SLC9C1: variants seen among roughly 807,000 people sequenced by gnomAD.
SLC9C1 encodes solute carrier family 9 member C1, also known as sodium/hydrogen exchanger 10.
SLC9C1 carries 97 observed loss-of-function variants against 140.9 expected under a neutral mutation model. The ratio of observed to expected loss-of-function variants is 0.69; its 90% confidence interval spans 0.58 to 0.82. The LOEUF (loss-of-function observed/expected upper bound fraction) is 0.82. Among genes scored for constraint, SLC9C1 ranks in the 40% least tolerant of loss-of-function variants. SLC9C1 has a pLI of 0.00. For synonymous variants in SLC9C1, 440 were observed against 442.6 expected (o/e 0.99, Z 0.07); for missense variants, 1,340 against 1,389.3 (o/e 0.96, Z 0.56).
chr3:112,272,348 T>C (rs1012337147), intron 6 of SLC9C1, among the ~76,000 whole-genome samples: 1 of 152,236 alleles, frequency 6.6e-6, no homozygotes, highest in African/African-American at 2.4e-5. Flanking sequence ...TTACTGCTTA[T>C]ACTGTTTTAA....
chr3:112,264,635 G>T (rs1054814467), intron 8 of SLC9C1, among the ~76,000 whole-genome samples: 4 of 151,830 alleles, frequency 2.6e-5, no homozygotes, highest in Non-Finnish European at 4.4e-5. Context: ...TGAGAATTTA[G>T]GTACTAGAGG....
chr3:112,252,385 G>A (rs1372399447), intron 10 of SLC9C1, among the ~76,000 whole-genome samples: 2 of 152,140 alleles, frequency 1.3e-5, no homozygotes, highest in East Asian at 3.8e-4. Flanking sequence ...ACCTCCCTGG[G>A]ATGGGGCTAC....
intron 15 of SLC9C1, among the ~76,000 whole-genome samples, chr3:112,210,113 T>C (rs13069887): frequency 0.45 from 69,077 of 151,968 alleles, 16,191 homozygotes; most frequent in East Asian, 0.63. Context: ...TGGTGGTTAC[T>C]CAAGAAACTA....
intron 23 of SLC9C1, among the ~76,000 whole-genome samples, chr3:112,171,399 T>C (rs2077245307): frequency 6.6e-6 from 1 of 152,188 alleles, no homozygotes; most frequent in African/African-American, 2.4e-5. Flanking sequence ...TATTGGCCAT[T>C]TGTATATTCT....
At chr3:112,245,813 A>G (rs1482606952) in intron 10 of SLC9C1, among the ~76,000 whole-genome samples, 1 of 152,146 alleles carries the variant, frequency 6.6e-6, no homozygotes, top group Non-Finnish European at 1.5e-5. Flanking sequence ...CTTCAAATCC[A>G]TATTGGAATA....
chr3:112,143,249 A>G (rs1453384571), intron 28 of SLC9C1, among the ~76,000 whole-genome samples: 2 of 151,830 alleles, frequency 1.3e-5, no homozygotes, highest in South Asian at 2.1e-4. Flanking sequence ...ATATATATAT[A>G]TATCTCCAGT....
intron 20 of SLC9C1, among the ~76,000 whole-genome samples, chr3:112,191,595 G>T (rs1261119407): frequency 6.6e-6 from 1 of 152,038 alleles, no homozygotes; most frequent in East Asian, 1.9e-4. Flanking sequence ...AATTCAGTTT[G>T]TTAATATTTT....
In SLC9C1 at chr3:112,169,263, T is replaced by C; in HGVS notation, c.2985A>G (p.Gln995=). The change falls in exon 24 of 29, where the codon CAA becomes CAG. Residue 995 remains glutamine (Q), a synonymous_variant. Transcript: ENST00000305815. ...CGAGTCCAAGTTTTAGCCACATTTT[T>C]TGTTTAATGAGAGGAGAGCATTGCT... ...AFEQCSPLIK[Q]KMWLKLGLAI... 1 of 1,613,658 alleles carries C rather than the reference T, an allele frequency of 6.2e-7. No individual in the cohort carries two copies. The highest frequency in any genetic ancestry group is 8.5e-7 in the Non-Finnish European group (1 of 1,179,798).
intron 13 of SLC9C1, among the ~76,000 whole-genome samples, chr3:112,226,237 G>C (rs1325024686): frequency 6.6e-6 from 1 of 151,992 alleles, no homozygotes; most frequent in African/African-American, 2.4e-5. Context: ...GTAACAAGAA[G>C]AACATTGGAA....
intron 11 of SLC9C1, among the ~76,000 whole-genome samples, chr3:112,240,993 TG>T: frequency 7.6e-6 from 1 of 132,004 alleles, no homozygotes; most frequent in Non-Finnish European, 1.6e-5. Flanking sequence ...GGTGGGGGGA[TG>T]GGGGCAGGTG....
At chr3:112,184,778 C>T (rs1414560214) in intron 20 of SLC9C1, among the ~76,000 whole-genome samples, 2 of 152,202 alleles carry the variant, frequency 1.3e-5, no homozygotes, top group Admixed American at 6.5e-5. Flanking sequence ...GGCTACAAAC[C>T]GTGATGCCAC....
Position 112,141,029 on chromosome 3 carries a change from G to T in SLC9C1, c.*243C>A. 2.6e-6 allele frequency: 1 copy of T among 378,150 alleles called. No individual in the cohort carries two copies. Among genetic ancestry groups the T allele is most frequent in the Admixed American group, 4.6e-5 (1 of 21,832 alleles). 23.4% of individuals were successfully genotyped at this position (378,150 alleles called of 1,614,324 possible). ...GCTTTAAGACTAAAATTTACTCTAA[G>T]ATTTTCTAAAATGTTTTGTATATTT... is the stretch of plus-strand genomic sequence containing the variant. On this transcript the variant is annotated 3_prime_UTR_variant, in exon 29 of 29. Coordinates refer to ENST00000305815, the MANE Select transcript of SLC9C1 (RefSeq NM_183061.3).
At chr3:112,285,039 T>C (rs1232281937) in intron 2 of SLC9C1, among the ~76,000 whole-genome samples, 2 of 143,512 alleles carry the variant, frequency 1.4e-5, no homozygotes, top group Admixed American at 7.2e-5. Flanking sequence ...CAGGCTGGAA[T>C]GCAGTGGCAT....
At chr3:112,271,391 T>TTTTATATATATATATATATATATA (rs1482562562) in intron 6 of SLC9C1, among the ~76,000 whole-genome samples, 1 of 48,254 alleles carries the variant, frequency 2.1e-5, no homozygotes, top group Non-Finnish European at 5.1e-5. Flanking sequence ...TCATTCTACA[T>TTTTATATATATATATATATATATA]TGTATATATA....
In SLC9C1 at chr3:112,204,388, T is replaced by A. The variant is rs1484750007; in HGVS notation, c.2002A>T (p.Lys668Ter). The change falls in exon 17 of 29, where the codon AAG (lysine) becomes TAG (stop). Residue 668 changes from lysine (K) to a stop codon, truncating the protein, a stop_gained. Transcript: ENST00000305815. LOFTEE classifies it high-confidence loss of function. Reference protein sequence around the residue: ...EALLKIAAMRKDFFSHAWNIF... With the variant: ...EALLKIAAMR ...TTCCAGGCATGTGAAAAAAAGTCCT[T>A]CCTCATTGCTGCTATCTGTTGATTT... 6.4e-7 allele frequency: 1 copy of A among 1,570,050 alleles called. No homozygotes were observed. Among genetic ancestry groups the A allele is most frequent in the African/African-American group, 1.4e-5 (1 of 72,218 alleles).
intron 20 of SLC9C1, among the ~76,000 whole-genome samples, chr3:112,190,008 G>A (rs1016544286): frequency 1.2e-4 from 19 of 152,148 alleles, no homozygotes; most frequent in Admixed American, 2.0e-4. Context: ...GTGAATGGGA[G>A]TTCTCCCACG....
intron 28 of SLC9C1, among the ~76,000 whole-genome samples, chr3:112,149,105 A>G (rs1222346220): frequency 6.6e-6 from 1 of 151,874 alleles, no homozygotes; most frequent in African/African-American, 2.4e-5. Flanking sequence ...ATGCTTGGAG[A>G]TCTGTGTGAG....
Position 112,180,576 on chromosome 3 carries a change from T to A in SLC9C1, c.2736A>T (p.Ser912=). The A allele has an allele frequency of 1.2e-6, 2 of 1,607,368 alleles. No individual in the cohort carries two copies. Among genetic ancestry groups the A allele is most frequent in the Non-Finnish European group, 1.7e-6 (2 of 1,178,034 alleles). The part of the protein sequence containing the change: ...DEPKGIYIII[S]GMVKLEKSKP... ...ACCTCTGCCTTACCTTTACCATGCC[T>A]GAAATAATGATATAGATTCCTTTGG... The change falls in exon 22 of 29, where the codon TCA becomes TCT. Residue 912 remains serine, a synonymous_variant. Coordinates refer to ENST00000305815, the MANE Select transcript of SLC9C1 (RefSeq NM_183061.3).
chr3:112,152,325 G>T (rs912567112), intron 27 of SLC9C1, among the ~76,000 whole-genome samples: 3 of 152,038 alleles, frequency 2.0e-5, no homozygotes, highest in African/African-American at 7.2e-5. Flanking sequence ...GCTGTGCCTC[G>T]ATGTGCATGT....
Sources: allele counts gnomAD v4.1 joint callset (sites outside exome capture counted in the v4.1 genomes callset), GRCh38; gene constraint gnomAD v4.1.1; transcripts MANE v1.5; gene names NCBI Gene and HGNC (gene_info 2026-07-23, HGNC 2026-07-21).